Variants in ACVR2A observed in about 807,000 individuals in gnomAD.
ACVR2A encodes the protein activin A receptor type 2A, also known as activin receptor type-2A.
In ACVR2A, 7 loss-of-function variants were observed where a neutral mutation model predicts 61.4. The observed-to-expected ratio is 0.11, with a 90% CI of 0.06 to 0.21. The LOEUF is 0.21. Among genes scored for constraint, ACVR2A ranks in the 10% least tolerant of loss-of-function variants. The probability of loss-of-function intolerance (pLI) is 1.00; values close to 1 mark genes in which losing one functional copy is unlikely to be tolerated. For missense variants in ACVR2A, 322 were observed against 621.7 expected (o/e 0.52, Z 5.13); for synonymous variants, 193 against 208.3 (o/e 0.93, Z 0.63).
intron 1 of ACVR2A, among the ~76,000 whole-genome samples, chr2:147,853,653 A>G (rs1441081309): frequency 6.6e-6 from 1 of 152,096 alleles, no homozygotes; most frequent in Non-Finnish European, 1.5e-5. Context: ...AGGACTGGCT[A>G]CACATGTGGG....
chr2:147,909,207 A>G (rs547770284), intron 4 of ACVR2A, among the ~76,000 whole-genome samples: 2 of 152,246 alleles, frequency 1.3e-5, no homozygotes, highest in African/African-American at 4.8e-5. Context: ...AAATCTTCTC[A>G]GACTTTACCT....
At position 147,928,484 on chromosome 2, in the gene ACVR2A, T is replaced by TAAAG. The variant is rs1687562206; in HGVS notation, c.*1213_*1216dup. ...AGTAATATTTGATGTCTGTGATATGTAAAGAATTATCCTAGGATAAAGATA... is the reference window on the plus strand; with the variant it reads ...AGTAATATTTGATGTCTGTGATATGTAAAGAAAGAATTATCCTAGGATAAAGATA... On this transcript the variant is annotated 3_prime_UTR_variant, in exon 11 of 11. Transcript: ENST00000241416. 2.0e-5 allele frequency: 3 copies of TAAAG among 152,218 alleles called. No individual in the cohort carries two copies. Among genetic ancestry groups the TAAAG allele is most frequent in the East Asian group, 1.9e-4 (1 of 5,182 alleles). 9.4% of individuals were successfully genotyped at this position (152,218 alleles called of 1,614,324 possible).
intron 1 of ACVR2A, among the ~76,000 whole-genome samples, chr2:147,891,408 A>G (rs1686579086): frequency 6.6e-6 from 1 of 152,172 alleles, no homozygotes; most frequent in African/African-American, 2.4e-5. Context: ...GGTTAGACGG[A>G]CTATTGGGAT....
intron 1 of ACVR2A, among the ~76,000 whole-genome samples, chr2:147,846,725 C>T (rs1427932962): frequency 6.6e-6 from 1 of 152,124 alleles, no homozygotes; most frequent in East Asian, 1.9e-4. Flanking sequence ...TAACATTAAA[C>T]CTCTTGCTTT....
chr2:147,899,169 T>TA (rs1465874358), intron 2 of ACVR2A, among the ~76,000 whole-genome samples: 1 of 151,976 alleles, frequency 6.6e-6, no homozygotes, highest in African/African-American at 2.4e-5. Context: ...ATTAAAAAAA[T>TA]AAAAAAAGAT....
intron 2 of ACVR2A, 112 bp downstream of exon 2, chr2:147,896,620 T>C: frequency 9.9e-7 from 1 of 1,012,668 alleles, no homozygotes; most frequent in East Asian, 2.6e-5. Flanking sequence ...TTCTTGCTTT[T>C]TAAAAAATGG....
intron 1 of ACVR2A, among the ~76,000 whole-genome samples, chr2:147,887,967 A>C (rs1429759055): frequency 6.6e-6 from 1 of 152,184 alleles, no homozygotes; most frequent in Non-Finnish European, 1.5e-5. Context: ...GAGGCTTTCT[A>C]CAAGAGCTGG....
At position 147,878,484 on chromosome 2, in the gene ACVR2A, C is replaced by T. The variant is rs563134052; in HGVS notation, c.56-17817C>T. Among the ~76,000 whole-genome samples, 45 of 151,488 alleles carry T rather than the reference C, an allele frequency of 3.0e-4. No homozygotes were observed. In the Middle Eastern group the frequency reaches 0.01, roughly 35 times the overall value. On this transcript the variant is annotated intron_variant, in intron 1 of 10. Coordinates refer to ENST00000241416, the MANE Select transcript of ACVR2A (RefSeq NM_001616.5). ...TAAGAAAGAGGCCAGGAACTATGAACTAGATTTAGATATTTATCTGATTTA... is the reference window on the plus strand; with the variant it reads ...TAAGAAAGAGGCCAGGAACTATGAATTAGATTTAGATATTTATCTGATTTA...
chr2:147,850,879 AG>A (rs1314043940), intron 1 of ACVR2A, among the ~76,000 whole-genome samples: 2 of 152,054 alleles, frequency 1.3e-5, no homozygotes, highest in African/African-American at 4.8e-5. Context: ...TTTGTCTCTG[AG>A]ATTGGATTTT....
At chr2:147,902,341 A>T (rs114634976) in intron 4 of ACVR2A, among the ~76,000 whole-genome samples, 1,833 of 152,084 alleles carry the variant, frequency 0.012, 43 homozygotes, top group African/African-American at 0.042. Context: ...CTTTGACACT[A>T]AAGCTTTGTT....
At chr2:147,846,203 TA>T (rs1404348088) in intron 1 of ACVR2A, among the ~76,000 whole-genome samples, 2 of 152,122 alleles carry the variant, frequency 1.3e-5, no homozygotes, top group African/African-American at 2.4e-5. Context: ...TGAAACATTT[TA>T]AATAAGTCTC....
intron 1 of ACVR2A, among the ~76,000 whole-genome samples, chr2:147,887,563 C>T (rs1368903517): frequency 1.3e-5 from 2 of 151,986 alleles, no homozygotes; most frequent in Non-Finnish European, 2.9e-5. Context: ...CTTCTCTGGT[C>T]CTTAAATCAG....
chr2:147,924,939 A>G (rs1467740461), intron 9 of ACVR2A, among the ~76,000 whole-genome samples: 1 of 151,996 alleles, frequency 6.6e-6, no homozygotes, highest in South Asian at 2.1e-4. Context: ...GTACTCAAGC[A>G]GAGACCAACT....
In ACVR2A at chr2:147,928,275, T is replaced by G. The variant is rs765332672; in HGVS notation, c.*1001T>G. 6 of 152,378 alleles carry G rather than the reference T, an allele frequency of 3.9e-5. No homozygotes were observed. The highest frequency in any genetic ancestry group is 8.8e-5 in the Non-Finnish European group (6 of 67,950). The allele number at this position is 152,378 out of a possible 1,614,324, so 9.4% of individuals were successfully genotyped here. A position where few individuals can be genotyped will look rare whatever the true frequency, so the allele number is the denominator to read the frequency against. On this transcript the variant is annotated 3_prime_UTR_variant, in exon 11 of 11. Coordinates refer to ENST00000241416, the MANE Select transcript of ACVR2A (RefSeq NM_001616.5). ...AAGCTCTTCATTTTATCTTTTAAAA[T>G]AGAGTTTTTTCTATTTATATATGTA...
intron 9 of ACVR2A, 159 bp from the exon 10 acceptor site, chr2:147,925,872 T>C: frequency 7.7e-6 from 5 of 649,826 alleles, no homozygotes. Context: ...TTGGTCACAC[T>C]GTGGTATAAG....
chr2:147,929,020 T>C lies in ACVR2A; in HGVS notation c.*1746T>C, dbSNP rs1255578237. The C allele has an allele frequency of 6.6e-6, 1 of 152,434 alleles. No individual in the cohort carries two copies. Among genetic ancestry groups the C allele is most frequent in the African/African-American group, 2.4e-5 (1 of 41,416 alleles). The allele number at this position is 152,434 out of a possible 1,614,324, so 9.4% of individuals were successfully genotyped here. A position where few individuals can be genotyped will look rare whatever the true frequency, so the allele number is the denominator to read the frequency against. On this transcript the variant is annotated 3_prime_UTR_variant, in exon 11 of 11. Coordinates refer to ENST00000241416, the MANE Select transcript of ACVR2A (RefSeq NM_001616.5). ...CAGTACACTACATTTTACATATATG[T>C]ACGTAATCTCTGGGAATAGTAAATT...
intron 4 of ACVR2A, among the ~76,000 whole-genome samples, chr2:147,910,711 C>T (rs1281132202): frequency 7.2e-5 from 11 of 151,994 alleles, no homozygotes; most frequent in Admixed American, 4.6e-4. Context: ...AGACCCTTAC[C>T]TATTTTGGGA....
intron 1 of ACVR2A, among the ~76,000 whole-genome samples, chr2:147,893,758 G>T (rs190967221): frequency 1.3e-5 from 2 of 152,092 alleles, no homozygotes; most frequent in African/African-American, 4.8e-5. Context: ...GTAAGAGGCC[G>T]TTATATTTTC....
At chr2:147,890,911 A>G (rs1686566275) in intron 1 of ACVR2A, among the ~76,000 whole-genome samples, 1 of 152,132 alleles carries the variant, frequency 6.6e-6, no homozygotes, top group East Asian at 1.9e-4. Flanking sequence ...TTGTCACAGC[A>G]TTCCCCGTAA....
Sources: allele counts gnomAD v4.1 joint callset (sites outside exome capture counted in the v4.1 genomes callset), GRCh38; gene constraint gnomAD v4.1.1; transcripts MANE v1.5; gene names NCBI Gene and HGNC (gene_info 2026-07-23, HGNC 2026-07-21).